CNTN5: variants seen among roughly 807,000 people sequenced by gnomAD.
The protein encoded by CNTN5 is contactin 5.
CNTN5 carries 77 observed loss-of-function variants against 129.1 expected under a neutral mutation model. That is an observed-to-expected ratio of 0.60 (90% CI 0.50 to 0.72). The LOEUF (loss-of-function observed/expected upper bound fraction) is 0.72. Ranked by LOEUF, CNTN5 falls within the 30% of genes least tolerant of loss-of-function variation. CNTN5 has a pLI of 0.00. For synonymous variants in CNTN5, 509 were observed against 465.6 expected, an observed-to-expected ratio of 1.09 and a Z score of -1.20; for missense variants, 1,478 against 1,328.8, an observed-to-expected ratio of 1.11 and a Z score of -1.75.
At chr11:99,486,742 T>C (rs948727519) in intron 2 of CNTN5, among the ~76,000 whole-genome samples, 3 of 152,184 alleles carry the variant, frequency 2.0e-5, no homozygotes, top group Non-Finnish European at 4.4e-5. Flanking sequence ...GTTGTCATCT[T>C]AACTTCAAAA....
At chr11:99,963,847 G>C (rs1385505179) in intron 8 of CNTN5, among the ~76,000 whole-genome samples, 1 of 152,136 alleles carries the variant, frequency 6.6e-6, no homozygotes, top group Non-Finnish European at 1.5e-5. Context: ...GCAGTGGTTT[G>C]TAGTTCTCCT....
intron 9 of CNTN5, among the ~76,000 whole-genome samples, chr11:100,037,904 C>G (rs1359179514): frequency 2.6e-5 from 4 of 151,974 alleles, no homozygotes; most frequent in Non-Finnish European, 5.9e-5. Context: ...TTTTGTTGAT[C>G]TTTTCAAAAA....
chr11:99,704,701 C>A (rs1565444136), intron 3 of CNTN5, among the ~76,000 whole-genome samples: 1 of 151,036 alleles, frequency 6.6e-6, no homozygotes, highest in Non-Finnish European at 1.5e-5. Context: ...TATATGCATT[C>A]TATATATCCC....
chr11:99,159,690 G>A (rs762506131), intron 1 of CNTN5, among the ~76,000 whole-genome samples: 3 of 152,116 alleles, frequency 2.0e-5, no homozygotes, highest in Non-Finnish European at 2.9e-5. Context: ...TATCTTGAAA[G>A]ACAATTCTTA....
At chr11:99,558,104 A>T (rs984038469) in intron 3 of CNTN5, 1 of 178,950 alleles carries the variant, frequency 5.6e-6, no homozygotes, top group African/African-American at 2.4e-5. Flanking sequence ...TCTCAAAGGC[A>T]TTAAGAGTTA....
chr11:99,657,597 G>T (rs547514907), intron 3 of CNTN5, among the ~76,000 whole-genome samples: 87 of 152,146 alleles, frequency 5.7e-4, no homozygotes, highest in African/African-American at 2.0e-3. Context: ...TCATAGGAAG[G>T]TTTCGCTTTT....
chr11:99,961,790 T>A (rs1337407271), intron 8 of CNTN5, among the ~76,000 whole-genome samples: 1 of 152,138 alleles, frequency 6.6e-6, no homozygotes, highest in African/African-American at 2.4e-5. Flanking sequence ...TATTCTAGCA[T>A]TCGTATGCCA....
chr11:100,276,401 T>C (rs905337458), intron 18 of CNTN5, among the ~76,000 whole-genome samples: 2 of 151,826 alleles, frequency 1.3e-5, no homozygotes, highest in Non-Finnish European at 2.9e-5. Flanking sequence ...CAGCCAGGCA[T>C]GGTGGCACAC....
Position 99,819,702 on chromosome 11 carries a change from G to T in CNTN5, c.214G>T (p.Ala72Ser), listed in dbSNP as rs200572550. 1.9e-6 allele frequency: 3 copies of T among 1,612,608 alleles called. No homozygotes were observed. Among genetic ancestry groups the T allele is most frequent in the African/African-American group, 1.3e-5 (1 of 75,062 alleles). ...LSASSPSWLG[A>S]AQNYYSPINL... is the part of the protein sequence containing the mutation. ...TGCTTCTTCACCCAGCTGGCTAGGG[G>T]CAGCTCAGAATTATTATTCCCCCAT... is the stretch of plus-strand genomic sequence containing the variant. Residue 72 changes from alanine (A) to serine (S), a missense_variant, in exon 4 of 25, where the codon GCA becomes TCA. By Grantham distance (99) the Ala-to-Ser change is moderately conservative. Coordinates refer to ENST00000524871, the MANE Select transcript of CNTN5 (RefSeq NM_014361.4).
intron 3 of CNTN5, among the ~76,000 whole-genome samples, chr11:99,587,017 A>G (rs1477481064): frequency 6.6e-6 from 1 of 152,200 alleles, no homozygotes; most frequent in Non-Finnish European, 1.5e-5. Flanking sequence ...GTTAAATCAG[A>G]ATTCAGTTAA....
chr11:99,434,918 T>G (rs1431218553), intron 2 of CNTN5, among the ~76,000 whole-genome samples: 2 of 152,168 alleles, frequency 1.3e-5, no homozygotes, highest in Non-Finnish European at 2.9e-5. Context: ...GAGTATTTGG[T>G]ACGTATGATT....
Position 99,201,346 on chromosome 11 carries a change from T to TTCC in CNTN5, c.-209-123999_-209-123998insCCT, listed in dbSNP as rs1190380145. Among the ~76,000 whole-genome samples the TTCC allele has an allele frequency of 1.8e-3, 204 of 113,228 alleles. 1 individual carries two copies. Among genetic ancestry groups the TTCC allele is most frequent in the East Asian group, 0.014 (48 of 3,442 alleles). 74.3% of individuals were successfully genotyped at this position (113,228 alleles called of 152,430 possible). A position where few individuals can be genotyped will look rare whatever the true frequency, so the allele number is the denominator to read the frequency against. ...GCCCCTTCCTTCCTTCCTTCCTTCC[T>TTCC]TTCCTTTCCTTCCTTCCTTCCTTCC... is the stretch of plus-strand genomic sequence containing the variant. On this transcript the variant is annotated intron_variant, in intron 1 of 24. Transcript: ENST00000524871.
chr11:99,547,763 A>T (rs1948348150), intron 2 of CNTN5, among the ~76,000 whole-genome samples: 1 of 152,106 alleles, frequency 6.6e-6, no homozygotes, highest in African/African-American at 2.4e-5. Flanking sequence ...TTTTACCCTA[A>T]AGGATATGAT....
intron 4 of CNTN5, among the ~76,000 whole-genome samples, chr11:99,838,363 T>C (rs1947370927): frequency 6.6e-6 from 1 of 152,234 alleles, no homozygotes; most frequent in Non-Finnish European, 1.5e-5. Flanking sequence ...TATCACTCTT[T>C]GTAAATGATA....
At chr11:99,513,457 C>T (rs1035564678) in intron 2 of CNTN5, among the ~76,000 whole-genome samples, 31 of 152,116 alleles carry the variant, frequency 2.0e-4, no homozygotes, top group African/African-American at 6.7e-4. Flanking sequence ...AAGAAGATGC[C>T]GTCTAGGACT....
chr11:99,867,787 A>T (rs1488951280), intron 6 of CNTN5, among the ~76,000 whole-genome samples: 1 of 152,158 alleles, frequency 6.6e-6, no homozygotes, highest in Non-Finnish European at 1.5e-5. Flanking sequence ...TTTTCCATGT[A>T]GCCTAACATA....
chr11:99,525,476 T>C (rs1354890748), intron 2 of CNTN5, among the ~76,000 whole-genome samples: 1 of 152,156 alleles, frequency 6.6e-6, no homozygotes, highest in African/African-American at 2.4e-5. Flanking sequence ...GTCAAAAACA[T>C]TGTCCAGATA....
At chr11:100,164,901 T>C (rs887668919) in intron 13 of CNTN5, among the ~76,000 whole-genome samples, 18 of 151,878 alleles carry the variant, frequency 1.2e-4, no homozygotes, top group Admixed American at 9.9e-4. Flanking sequence ...TATGACACTT[T>C]TTAAAAATCA....
intron 3 of CNTN5, among the ~76,000 whole-genome samples, chr11:99,676,952 A>AAAATATGTAT (rs1445503836): frequency 6.6e-6 from 1 of 152,168 alleles, no homozygotes; most frequent in Non-Finnish European, 1.5e-5. Context: ...CTAGGTTATT[A>AAAATATGTAT]AAATATGTAT....
Sources: allele counts gnomAD v4.1 joint callset (sites outside exome capture counted in the v4.1 genomes callset), GRCh38; gene constraint gnomAD v4.1.1; transcripts MANE v1.5; gene names NCBI Gene and HGNC (gene_info 2026-07-23, HGNC 2026-07-21).